Variants in BMPER observed in about 807,000 individuals in gnomAD.
BMPER encodes the protein BMP-binding endothelial regulator protein.
BMPER carries 45 observed loss-of-function variants against 87.3 expected under a neutral mutation model. The ratio of observed to expected loss-of-function variants is 0.52; its 90% CI spans 0.41 to 0.66. BMPER has a LOEUF of 0.66. BMPER is among the 30% of genes least tolerant of loss of function. The pLI is 0.00. For synonymous variants in BMPER, 326 were observed against 316.2 expected, an observed-to-expected ratio of 1.03 and a Z score of -0.33; for missense variants, 784 against 867.5, an observed-to-expected ratio of 0.90 and a Z score of 1.21.
chr7:34,120,322 A>G (rs888198224), intron 13 of BMPER, among the ~76,000 whole-genome samples: 12 of 152,220 alleles, frequency 7.9e-5, no homozygotes, highest in African/African-American at 1.2e-4. Flanking sequence ...GATTGATGTA[A>G]CATACAATAC....
At chr7:33,964,059 T>G (rs1342946127) in intron 3 of BMPER, among the ~76,000 whole-genome samples, 2 of 152,230 alleles carry the variant, frequency 1.3e-5, no homozygotes, top group African/African-American at 4.8e-5. Flanking sequence ...AGTCATTTAT[T>G]TTTGGAGTAC....
chr7:34,032,963 G>A (rs1423124909), intron 6 of BMPER, among the ~76,000 whole-genome samples: 1 of 152,122 alleles, frequency 6.6e-6, no homozygotes, highest in African/African-American at 2.4e-5. Context: ...GCCAAACCAG[G>A]TCAAAGGCTC....
chr7:33,905,282 C>T (rs1783776727), upstream of BMPER: 1 of 417,668 alleles, frequency 2.4e-6, no homozygotes, highest in African/African-American at 2.0e-5. Context: ...CTCCGGCTGC[C>T]GCAACACCCC....
At chr7:34,015,136 C>T (rs1786985490) in intron 6 of BMPER, among the ~76,000 whole-genome samples, 1 of 151,778 alleles carries the variant, frequency 6.6e-6, no homozygotes, top group African/African-American at 2.4e-5. Flanking sequence ...AACAAATATA[C>T]CAAAGTAAAG....
intron 11 of BMPER, 143 bp downstream of exon 11, chr7:34,062,190 A>C (rs968298757): frequency 1.1e-5 from 8 of 701,482 alleles, no homozygotes; most frequent in Non-Finnish European, 1.2e-5. Context: ...CCCTACAGTC[A>C]CTTTAAGTCA....
At chr7:34,146,099 G>C (rs1168918059) in intron 14 of BMPER, among the ~76,000 whole-genome samples, 1 of 151,972 alleles carries the variant, frequency 6.6e-6, no homozygotes, top group African/African-American at 2.4e-5. Context: ...CAGACTGACA[G>C]TTGGTACATG....
intron 13 of BMPER, among the ~76,000 whole-genome samples, chr7:34,096,510 G>A (rs1006506736): frequency 1.3e-5 from 2 of 152,184 alleles, no homozygotes; most frequent in Admixed American, 6.5e-5. Context: ...CGAAATAGGA[G>A]TGGAGGCTTT....
At chr7:33,908,099 G>A (rs1025376891) in intron 2 of BMPER, among the ~76,000 whole-genome samples, 1 of 152,184 alleles carries the variant, frequency 6.6e-6, no homozygotes, top group Admixed American at 6.5e-5. Flanking sequence ...ATATTTATGG[G>A]TTGCTGTGTT....
chr7:34,074,404 G>A (rs947933246), intron 11 of BMPER, among the ~76,000 whole-genome samples: 2 of 152,220 alleles, frequency 1.3e-5, no homozygotes, highest in African/African-American at 2.4e-5. Context: ...GGAGAAGTTC[G>A]GGTCGTTCTG....
chr7:34,045,096 G>A (rs1410068913), intron 6 of BMPER, among the ~76,000 whole-genome samples: 2 of 152,294 alleles, frequency 1.3e-5, no homozygotes, highest in East Asian at 3.9e-4. Flanking sequence ...ATGCACTCAA[G>A]ACAAGCAACC....
chr7:34,067,129 A>G (rs1426790250), intron 11 of BMPER: 1 of 152,216 alleles, frequency 6.6e-6, no homozygotes, highest in Non-Finnish European at 1.5e-5. Context: ...GTAACAGGAA[A>G]TATCAAATTT....
intron 11 of BMPER, among the ~76,000 whole-genome samples, chr7:34,075,530 G>A (rs188599375): frequency 6.9e-4 from 105 of 152,236 alleles, no homozygotes; most frequent in Admixed American, 2.7e-3. Context: ...CTAATGATTT[G>A]ACCTACAGGA....
intron 10 of BMPER, among the ~76,000 whole-genome samples, chr7:34,060,946 T>C (rs2110856): frequency 0.19 from 28,922 of 152,150 alleles, 2,897 homozygotes; most frequent in Middle Eastern, 0.25. Flanking sequence ...GGGAAGAAAA[T>C]GTCCTTTAGG....
intron 6 of BMPER, among the ~76,000 whole-genome samples, chr7:34,023,496 G>T (rs1414500293): frequency 6.6e-6 from 1 of 152,022 alleles, no homozygotes; most frequent in African/African-American, 2.4e-5. Flanking sequence ...CTTCCCCCAT[G>T]CTTGTCCTGT....
At chr7:34,044,468 A>G (rs1204043152) in intron 6 of BMPER, among the ~76,000 whole-genome samples, 1 of 152,210 alleles carries the variant, frequency 6.6e-6, no homozygotes, top group Non-Finnish European at 1.5e-5. Context: ...TTGCTTGCAG[A>G]TGAATTTCTT....
In BMPER at chr7:34,121,808, C is replaced by T. The variant is rs181585938; in HGVS notation, c.1746-21422C>T. Among the ~76,000 whole-genome samples, 34 of 152,252 alleles carry T rather than the reference C, an allele frequency of 2.2e-4. No homozygotes were observed. In the East Asian group the frequency reaches 6.6e-3, roughly 29 times the overall value. ...CCAGTATAGTACCTCAAATCCAGTG[C>T]ATTGTGAAGTACCAAAGAAATACAG... On this transcript the variant is annotated intron_variant, in intron 13 of 14. Transcript: ENST00000649409.
intron 13 of BMPER, among the ~76,000 whole-genome samples, chr7:34,139,669 A>G (rs941639338): frequency 6.6e-6 from 1 of 152,206 alleles, no homozygotes; most frequent in African/African-American, 2.4e-5. Context: ...TCTTGTTTTC[A>G]TTGTGTGATG....
intron 2 of BMPER, among the ~76,000 whole-genome samples, chr7:33,912,393 C>G (rs903708403): frequency 2.0e-5 from 3 of 152,166 alleles, no homozygotes; most frequent in African/African-American, 7.2e-5. Flanking sequence ...ACTCAATGCT[C>G]CCCTTCCCCA....
In BMPER at chr7:34,136,056, C is replaced by G. The variant is rs73322306; in HGVS notation, c.1746-7174C>G. Among the ~76,000 whole-genome samples, 664 of 152,304 alleles carry G rather than the reference C, an allele frequency of 4.4e-3. 4 individuals carry two copies. Among genetic ancestry groups the G allele is most frequent in the African/African-American group, 0.015 (640 of 41,572 alleles). On this transcript the variant is annotated intron_variant, in intron 13 of 14. Coordinates refer to ENST00000649409, the MANE Select transcript of BMPER (RefSeq NM_001365308.1). ...GTTCTGTCCTGGCAACCCCAGGCAG[C>G]CATAGAACCTGGAATATTCTCAACA... is the stretch of plus-strand genomic sequence containing the variant.
Sources: allele counts gnomAD v4.1 joint callset (sites outside exome capture counted in the v4.1 genomes callset), GRCh38; gene constraint gnomAD v4.1.1; transcripts MANE v1.5; gene names NCBI Gene and HGNC (gene_info 2026-07-23, HGNC 2026-07-21).